The following CEACAM4 variants were observed in gnomAD, a reference collection of about 807,000 sequenced individuals.
CEACAM4 encodes cell adhesion molecule CEACAM4.
CEACAM4 carries 30 observed loss-of-function variants against 28.7 expected under a neutral mutation model. That is an observed-to-expected ratio of 1.05 (90% CI 0.78 to 1.42). CEACAM4 has a LOEUF of 1.42. Ranked by LOEUF, CEACAM4 falls within the 40% of genes most tolerant of loss-of-function variation. The pLI, the probability that CEACAM4 is intolerant of heterozygous loss-of-function variation, is 0.00. For synonymous variants in CEACAM4, 143 were observed against 126.5 expected, an observed-to-expected ratio of 1.13 and a Z score of -0.87; for missense variants, 330 against 308.2, an observed-to-expected ratio of 1.07 and a Z score of -0.53.
At chr19:41,623,419 ATTTTTTTTT>A (rs57004828) in intron 2 of CEACAM4, among the ~76,000 whole-genome samples, 2,041 of 105,118 alleles carry the variant, frequency 0.019, 61 homozygotes, top group African/African-American at 0.069. Flanking sequence ...TTCGAACTGC[ATTTTTTTTT>A]TTTTTTTTTT....
chr19:41,619,705 G>A lies in CEACAM4; in HGVS notation c.634C>T (p.Leu212=), dbSNP rs1555800358. ...PSHRSTFSAP[L]PSPRTATPIY... ...GGAGTGGCTGTTCTGGGGCTGGGTAGAGGGGCCTGGGCAGGGGAGAGAGGA... is the reference window on the plus strand; with the variant it reads ...GGAGTGGCTGTTCTGGGGCTGGGTAAAGGGGCCTGGGCAGGGGAGAGAGGA... Residue 212 remains leucine, a synonymous_variant, in exon 6 of 7, where the codon CTA becomes TTA. Transcript: ENST00000221954. 2 of 1,586,474 alleles carry A rather than the reference G, an allele frequency of 1.3e-6. No individual in the cohort carries two copies. The highest frequency in any genetic ancestry group is 1.8e-5 in the Admixed American group (1 of 56,652).
At chr19:41,626,718 G>T (rs117503781) in intron 1 of CEACAM4, among the ~76,000 whole-genome samples, 182 bp downstream of exon 1, 3 of 152,150 alleles carry the variant, frequency 2.0e-5, no homozygotes, top group Non-Finnish European at 4.4e-5. Flanking sequence ...AGATTTTCCT[G>T]TTGTGACCCC....
At chr19:41,618,583 CT>C (rs1396768000), downstream of CEACAM4, among the ~76,000 whole-genome samples, 1 of 152,144 alleles carries the variant, frequency 6.6e-6, no homozygotes, top group African/African-American at 2.4e-5. Context: ...CCTCCAGGGC[CT>C]GGGTGAAGAG....
chr19:41,617,523 G>C (rs2071005026), downstream of CEACAM4, among the ~76,000 whole-genome samples: 1 of 152,194 alleles, frequency 6.6e-6, no homozygotes, highest in East Asian at 1.9e-4. Flanking sequence ...ACAGATTAAA[G>C]GAAGGATCAT....
chr19:41,625,602 G>T lies in CEACAM4; in HGVS notation c.423C>A (p.His141Gln). ...CAGAGGTATGGGGGAATCACTCACG[G>T]TGTACGTGGAGCTGGCCAGTTGCTT... ...SDQATGQLHV[H>Q]QNNVPGLPVG... is the part of the protein sequence containing the mutation. Residue 141 changes from histidine to glutamine, a missense_variant and splice_region_variant, in exon 2 of 7, where the codon CAC (histidine) becomes CAA (glutamine). By Grantham distance (24) the His-to-Gln change is conservative (BLOSUM62 0). Coordinates refer to ENST00000221954, the MANE Select transcript of CEACAM4 (RefSeq NM_001817.4). 6.4e-7 allele frequency: 1 copy of T among 1,567,746 alleles called. No homozygotes were observed. Among genetic ancestry groups the T allele is most frequent in the Non-Finnish European group, 8.7e-7 (1 of 1,155,404 alleles).
chr19:41,617,560 C>T (rs73045005), downstream of CEACAM4, among the ~76,000 whole-genome samples: 7,332 of 152,212 alleles, frequency 0.048, 467 homozygotes, highest in East Asian at 0.34. Context: ...TGTGGTTTAT[C>T]CCAGGTGCGT....
At chr19:41,622,851 TATATAG>T (rs1412324008) in intron 2 of CEACAM4, among the ~76,000 whole-genome samples, 388 of 115,928 alleles carry the variant, frequency 3.3e-3, no homozygotes, top group African/African-American at 0.016. Context: ...TATATACATA[TATATAG>T]ATAGATAGAT....
downstream of CEACAM4, among the ~76,000 whole-genome samples, chr19:41,618,632 C>T (rs2071060450): frequency 1.3e-5 from 2 of 152,148 alleles, no homozygotes; most frequent in Non-Finnish European, 2.9e-5. Context: ...TGCGTAGGGG[C>T]CACAGCCGCA....
intron 5 of CEACAM4, among the ~76,000 whole-genome samples, chr19:41,619,998 A>G (rs2071162630): frequency 6.6e-6 from 1 of 152,026 alleles, no homozygotes; most frequent in Admixed American, 6.5e-5. Context: ...GGTTCTCCTC[A>G]GGTGTAGAGG....
downstream of CEACAM4, chr19:41,619,010 G>A (rs974512213): frequency 5.5e-6 from 2 of 361,416 alleles, no homozygotes; most frequent in Admixed American, 4.6e-5. Context: ...CAGAAAAAGA[G>A]CCAATGAGAG....
chr19:41,615,399 T>G (rs1373546905), downstream of CEACAM4, among the ~76,000 whole-genome samples: 1 of 152,014 alleles, frequency 6.6e-6, no homozygotes, highest in Non-Finnish European at 1.5e-5. Context: ...CAGTGAAGCC[T>G]CAGGTGTGTG....
rs2071616209 is a variant in CEACAM4 at position 41,625,902 on chromosome 19, C to T, written c.123G>A (p.Leu41=). ...CCTTTCCCTCTGCAGCACTGGACGG[C>T]AGGGCTTCAATAGTGAACTGGACAG... ...PTTVQFTIEA[L]PSSAAEGKDV... The change falls in exon 2 of 7, where the codon CTG becomes CTA. Residue 41 remains leucine (L), a synonymous_variant. Coordinates refer to ENST00000221954, the MANE Select transcript of CEACAM4 (RefSeq NM_001817.4). 1 of 1,613,628 alleles carries T rather than the reference C, an allele frequency of 6.2e-7. No individual in the cohort carries two copies. Among genetic ancestry groups the T allele is most frequent in the Non-Finnish European group, 8.5e-7 (1 of 1,179,862 alleles).
chr19:41,621,115 T>G (rs3890967), intron 3 of CEACAM4, among the ~76,000 whole-genome samples: 1 of 151,952 alleles, frequency 6.6e-6, no homozygotes. Flanking sequence ...CCTTGTCCTC[T>G]CTCTCTCCAC....
downstream of CEACAM4, among the ~76,000 whole-genome samples, chr19:41,618,414 G>A (rs1555799495): frequency 6.6e-6 from 1 of 152,160 alleles, no homozygotes; most frequent in Non-Finnish European, 1.5e-5. Flanking sequence ...TATTAATCTT[G>A]GTTGCTCTGA....
downstream of CEACAM4, among the ~76,000 whole-genome samples, chr19:41,616,359 A>G (rs1555798814): frequency 6.6e-6 from 1 of 152,124 alleles, no homozygotes; most frequent in East Asian, 1.9e-4. Flanking sequence ...GTGTGTTCTG[A>G]TAGCCATGTG....
chr19:41,621,122 C>T (rs2071259983), intron 3 of CEACAM4, among the ~76,000 whole-genome samples: 2 of 152,110 alleles, frequency 1.3e-5, no homozygotes, highest in African/African-American at 4.8e-5. Context: ...CTCTCTCTCT[C>T]CACCCCTTGG....
the CEACAM4 span, among the ~76,000 whole-genome samples, chr19:41,613,881 G>A: frequency 6.6e-6 from 1 of 152,176 alleles, no homozygotes; most frequent in East Asian, 1.9e-4. Flanking sequence ...CCCTGCTTCT[G>A]GTATGAGAAA....
the CEACAM4 span, among the ~76,000 whole-genome samples, chr19:41,613,920 A>T: frequency 6.6e-6 from 1 of 152,266 alleles, no homozygotes. Context: ...ACGGATGCCA[A>T]GGCATTGTAA....
rs372683605 is a variant in CEACAM4 at position 41,624,586 on chromosome 19, C to T, written c.424+1015G>A. On this transcript the variant is annotated intron_variant, in intron 2 of 6. Coordinates refer to ENST00000221954, the MANE Select transcript of CEACAM4 (RefSeq NM_001817.4). ...TGTAGACACCTAAGAAGAAAACATC[C>T]GAACCAGTGGCTGTTCTGAGGTCCA... Among the ~76,000 whole-genome samples, 16 of 152,292 alleles carry T rather than the reference C, an allele frequency of 1.1e-4. 1 individual carries two copies. The highest frequency in any genetic ancestry group is 2.4e-4 in the African/African-American group (10 of 41,556).
Sources: gnomAD v4.1 joint callset for allele counts (sites outside exome capture counted in the v4.1 genomes callset) on GRCh38, gnomAD v4.1.1 for gene constraint, MANE v1.5 for transcripts, NCBI Gene and HGNC (gene_info 2026-07-23, HGNC 2026-07-21) for gene names.